ADCK2: variants seen among roughly 807,000 people sequenced by gnomAD.
ADCK2 encodes the protein uncharacterized aarF domain-containing protein kinase 2.
ADCK2 carries 37 observed loss-of-function variants against 52.3 expected under a neutral mutation model. That is an observed-to-expected ratio of 0.71 (90% CI 0.54 to 0.93). The LOEUF (loss-of-function observed/expected upper bound fraction) is 0.93. Ranked by LOEUF, ADCK2 falls within the 40% of genes least tolerant of loss-of-function variation. ADCK2 has a pLI of 0.00. For synonymous variants in ADCK2, 321 were observed against 349.2 expected, an observed-to-expected ratio of 0.92 and a Z score of 0.90; for missense variants, 695 against 798.7, an observed-to-expected ratio of 0.87 and a Z score of 1.56.
chr7:140,689,865 C>T (rs1280155333), intron 6 of ADCK2, 140 bp downstream of exon 6: 8 of 1,145,564 alleles, frequency 7.0e-6, no homozygotes, highest in Non-Finnish European at 5.7e-6. Context: ...ATCTTCCAGG[C>T]ATGAGGAGCC....
At position 140,687,210 on chromosome 7, in the gene ADCK2, G is replaced by A. The variant is rs1272287641; in HGVS notation, c.1526G>A (p.Arg509Gln). Reference protein sequence around the residue: ...ELQAPDLRNFRAVFMAVVMGQ... With the variant: ...ELQAPDLRNFQAVFMAVVMGQ... ...CAGGCCCCTGACCTGAGGAATTTCCGGGCAGTTTTCATGGCTGTGGTGATG... is the reference window on the plus strand; with the variant it reads ...CAGGCCCCTGACCTGAGGAATTTCCAGGCAGTTTTCATGGCTGTGGTGATG... Residue 509 changes from arginine (R) to glutamine (Q), a missense_variant, in exon 5 of 8, where the codon CGG (arginine) becomes CAG (glutamine). Arg to Gln is a conservative substitution (Grantham distance 43). Transcript: ENST00000072869. The A allele has an allele frequency of 1.3e-5, 21 of 1,578,294 alleles. No individual in the cohort carries two copies. Among genetic ancestry groups the A allele is most frequent in the African/African-American group, 1.2e-4 (9 of 74,042 alleles).
chr7:140,677,463 G>C (rs904485810), intron 2 of ADCK2, among the ~76,000 whole-genome samples: 1 of 151,756 alleles, frequency 6.6e-6, no homozygotes, highest in Non-Finnish European at 1.5e-5. Flanking sequence ...TGTATCCCCG[G>C]ATTCAATAAA....
chr7:140,694,294 A>G (rs957166053), intron 7 of ADCK2, among the ~76,000 whole-genome samples: 1 of 152,192 alleles, frequency 6.6e-6, no homozygotes, highest in Non-Finnish European at 1.5e-5. Context: ...TAAAATAAAT[A>G]AATAAATACA....
intron 4 of ADCK2, 40 bp downstream of exon 4, chr7:140,681,177 G>A (rs943587060): frequency 3.7e-6 from 6 of 1,600,464 alleles, no homozygotes; most frequent in East Asian, 2.2e-5. Context: ...CCAGCATGTG[G>A]TCAGCTTGCA....
chr7:140,675,172 T>A (rs1487967580), intron 2 of ADCK2, among the ~76,000 whole-genome samples: 1 of 152,120 alleles, frequency 6.6e-6, no homozygotes, highest in African/African-American at 2.4e-5. Flanking sequence ...GAACCCAAGA[T>A]GGAGGTTGCA....
At position 140,678,684 on chromosome 7, in the gene ADCK2, G is replaced by A. The variant is rs1174237579; in HGVS notation, c.1081-471G>A. Among the ~76,000 whole-genome samples the A allele has an allele frequency of 1.3e-5, 2 of 152,224 alleles. No homozygotes were observed. The highest frequency in any genetic ancestry group is 3.9e-4 in the East Asian group (2 of 5,192). Reference sequence around the variant, plus strand: ...GGAAGTGGTCCTTTGGGTCTGGTGAGTGGTGGTTGGGGAGAGTAGCAGTGG... The same window carrying A: ...GGAAGTGGTCCTTTGGGTCTGGTGAATGGTGGTTGGGGAGAGTAGCAGTGG... On this transcript the variant is annotated intron_variant, in intron 2 of 7. Transcript: ENST00000072869. The surrounding 1 kb of genome is among the most constrained non-coding windows in gnomAD (Gnocchi z 4.9).
At chr7:140,682,628 A>G (rs1236315645) in intron 4 of ADCK2, among the ~76,000 whole-genome samples, 1 of 152,142 alleles carries the variant, frequency 6.6e-6, no homozygotes, top group Non-Finnish European at 1.5e-5. Flanking sequence ...ATTTAAATAT[A>G]AAGTGCTCAG....
chr7:140,685,942 C>T (rs1563209204), intron 4 of ADCK2, among the ~76,000 whole-genome samples: 1 of 152,130 alleles, frequency 6.6e-6, no homozygotes, highest in Non-Finnish European at 1.5e-5. Flanking sequence ...GGTTCAAAGC[C>T]GTGTCCTTCC....
rs768288290 is a variant in ADCK2 at position 140,674,100 on chromosome 7, T to G, written c.770T>G (p.Leu257Arg). ...VGGLRELFGY[L>R]GNGRKPPENL... ...GGGCTGAGAGAGCTCTTTGGATACC[T>G]TGGAAATGGCCGGAAACCTCCAGAA... The change falls in exon 1 of 8, where the codon CTT (leucine) becomes CGT (arginine). Residue 257 changes from leucine (L) to arginine (R), a missense_variant. Coordinates refer to ENST00000072869, the MANE Select transcript of ADCK2 (RefSeq NM_052853.4). This position sits in a 1 kb window ranked among gnomAD's most constrained non-coding sequence, Gnocchi z 4.6. 6.2e-7 allele frequency: 1 copy of G among 1,614,136 alleles called. No individual in the cohort carries two copies. Among genetic ancestry groups the G allele is most frequent in the Non-Finnish European group, 8.5e-7 (1 of 1,180,024 alleles).
chr7:140,675,427 AAGCCAC>A (rs1794385129), intron 2 of ADCK2, among the ~76,000 whole-genome samples: 1 of 152,176 alleles, frequency 6.6e-6, no homozygotes, highest in South Asian at 2.1e-4. Flanking sequence ...TGACAGAACT[AAGCCAC>A]CGTACGGTCA....
At chr7:140,679,354 G>A (rs775257236) in intron 3 of ADCK2, 71 bp downstream of exon 3, 2 of 1,586,368 alleles carry the variant, frequency 1.3e-6, no homozygotes, top group Non-Finnish European at 1.7e-6. Context: ...CCAGCCCACA[G>A]AAAGGCTTCA....
At chr7:140,694,557 G>A in intron 7 of ADCK2, 106 bp from the exon 8 acceptor site, 1 of 1,060,766 alleles carries the variant, frequency 9.4e-7, no homozygotes, top group Non-Finnish European at 1.4e-6. Context: ...AACATCCCGT[G>A]GGCAGGTCTG....
At chr7:140,688,040 G>A (rs1794637193) in intron 5 of ADCK2, among the ~76,000 whole-genome samples, 1 of 151,146 alleles carries the variant, frequency 6.6e-6, no homozygotes. Flanking sequence ...GAATGCCTCT[G>A]TCTCTGTCTT....
chr7:140,690,697 G>A (rs1563210968), intron 6 of ADCK2, 63 bp from the exon 7 acceptor site: 9 of 1,506,200 alleles, frequency 6.0e-6, no homozygotes, highest in African/African-American at 2.8e-5. Flanking sequence ...TGTGGGGGTG[G>A]TGGGAAATGA....
chr7:140,680,548 C>A (rs1433877500), intron 3 of ADCK2, among the ~76,000 whole-genome samples: 1 of 151,882 alleles, frequency 6.6e-6, no homozygotes, highest in Non-Finnish European at 1.5e-5. Flanking sequence ...CTGGTGCCCA[C>A]CCCTATCTTT....
In ADCK2 at chr7:140,690,789, CTTT is replaced by C; in HGVS notation, c.1717_1719del (p.Phe573del). Reference sequence around the variant, plus strand: ...ATGTGTCCAGCCTTCTCTCTAGTGTCTTTAAGTTGCTGATGACTCACAAGGTGA... The same window carrying C: ...ATGTGTCCAGCCTTCTCTCTAGTGTCAAGTTGCTGATGACTCACAAGGTGA... On this transcript the variant is annotated inframe_deletion, in exon 7 of 8. Transcript: ENST00000072869. The C allele has an allele frequency of 6.2e-7, 1 of 1,613,398 alleles. No homozygotes were observed. The highest frequency in any genetic ancestry group is 8.5e-7 in the Non-Finnish European group (1 of 1,179,888).
At chr7:140,682,096 G>A (rs1358862779) in intron 4 of ADCK2, among the ~76,000 whole-genome samples, 3 of 152,210 alleles carry the variant, frequency 2.0e-5, no homozygotes, top group African/African-American at 7.2e-5. Context: ...CTAGGTGCCA[G>A]GCACTGAATT....
In ADCK2 at chr7:140,694,783, G is replaced by T. The variant is rs1794770971; in HGVS notation, c.1861G>T (p.Gly621Cys). The T allele has an allele frequency of 1.2e-6, 2 of 1,613,348 alleles. No individual in the cohort carries two copies. The highest frequency in any genetic ancestry group is 1.7e-6 in the Non-Finnish European group (2 of 1,179,736). Residue 621 changes from glycine to cysteine, a missense_variant, in exon 8 of 8, where the codon GGC (glycine) becomes TGC (cysteine). Transcript: ENST00000072869. ...GGCAGCGAGGCCCTTCCTCCTCACG[G>T]GCCCAGTGTGCCCCCCGTGATGGGG... ...LEAARPFLLTGPVCPP is the reference protein window; with the variant it reads ...LEAARPFLLTCPVCPP
At chr7:140,690,660 AG>A in intron 6 of ADCK2, 99 bp from the exon 7 acceptor site, 1 of 918,474 alleles carries the variant, frequency 1.1e-6, no homozygotes, top group South Asian at 1.6e-5. Context: ...CTGGCGGGGG[AG>A]TGGGGTGGGA....
Sources: gnomAD v4.1 joint callset for allele counts (sites outside exome capture counted in the v4.1 genomes callset) on GRCh38, gnomAD v4.1.1 for gene constraint, Gnocchi (gnomAD v3.1) non-coding constraint, MANE v1.5 for transcripts, NCBI Gene and HGNC (gene_info 2026-07-23, HGNC 2026-07-21) for gene names.